QRFPR: variants seen among roughly 807,000 people sequenced by gnomAD.
QRFPR encodes pyroglutamylated RFamide peptide receptor.
A neutral mutation model predicts 31.3 loss-of-function variants in QRFPR; 37 were observed. That is an observed-to-expected ratio of 1.18 (90% CI 0.91 to 1.56). The LOEUF is 1.56. Among genes scored for constraint, QRFPR ranks in the 40% most tolerant of loss-of-function variants. QRFPR has a pLI of 0.00. For missense variants in QRFPR, 542 were observed against 532.5 expected (o/e 1.02, Z -0.18); for synonymous variants, 197 against 192.0 (o/e 1.03, Z -0.22).
At chr4:121,342,023 G>A (rs1014951549) in intron 1 of QRFPR, among the ~76,000 whole-genome samples, 2 of 152,200 alleles carry the variant, frequency 1.3e-5, no homozygotes, top group African/African-American at 4.8e-5. Context: ...TTCTGGATAT[G>A]CCTGCGAGGG....
chr4:121,338,043 G>T (rs1725466386), intron 2 of QRFPR, among the ~76,000 whole-genome samples: 1 of 152,072 alleles, frequency 6.6e-6, no homozygotes. Flanking sequence ...CATAATTGGG[G>T]TTTATTATAA....
chr4:121,351,964 A>G (rs1328858513), intron 1 of QRFPR, among the ~76,000 whole-genome samples: 2 of 152,150 alleles, frequency 1.3e-5, no homozygotes, highest in African/African-American at 4.8e-5. Flanking sequence ...ATTAAACAGT[A>G]AACAAATAAT....
chr4:121,373,510 T>G (rs1490138822), intron 1 of QRFPR, among the ~76,000 whole-genome samples: 1 of 152,242 alleles, frequency 6.6e-6, no homozygotes, highest in Non-Finnish European at 1.5e-5. Context: ...AAAAAGACTA[T>G]TCTTCATCAA....
intron 1 of QRFPR, among the ~76,000 whole-genome samples, chr4:121,354,621 T>C (rs1328966240): frequency 1.3e-5 from 2 of 152,064 alleles, no homozygotes; most frequent in African/African-American, 2.4e-5. Flanking sequence ...GAGCATCTTT[T>C]TCTTGTTTCA....
rs143152105 is a variant in QRFPR, at chr4:121,364,031, A to G, written c.340+16277T>C. On this transcript the variant is annotated intron_variant, in intron 1 of 5. Transcript: ENST00000394427. ...ACTGGCTGAAGTTATCATTTTCATA[A>G]TCAAGTCATAATCAAGTCAAGGAAC... 1.0e-3 allele frequency among the ~76,000 whole-genome samples: 150 copies of G among 150,158 alleles called. 5 individuals are homozygous for G. Among genetic ancestry groups the G allele is most frequent in the Non-Finnish European group, 1.8e-3 (122 of 67,580 alleles).
intron 1 of QRFPR, among the ~76,000 whole-genome samples, chr4:121,342,722 T>C (rs1725565853): frequency 6.6e-6 from 1 of 152,156 alleles, no homozygotes. Context: ...TTTTCGCTGA[T>C]GTATTCCCAG....
chr4:121,360,957 A>T (rs1393884293), intron 1 of QRFPR, among the ~76,000 whole-genome samples: 1 of 152,228 alleles, frequency 6.6e-6, no homozygotes, highest in East Asian at 1.9e-4. Flanking sequence ...CCCTAGTTCA[A>T]CATAGTGCCT....
chr4:121,380,695 C>A lies in QRFPR; in HGVS notation c.-48G>T, dbSNP rs1222023749. 24 of 1,452,720 alleles carry A rather than the reference C, an allele frequency of 1.7e-5. No individual in the cohort carries two copies. Among genetic ancestry groups the A allele is most frequent in the Non-Finnish European group, 2.1e-5 (23 of 1,093,208 alleles). The allele number at this position is 1,452,720 out of a possible 1,614,324, so 90.0% of individuals were successfully genotyped here. ...GGGCCACCGCCCGCTACTGGCTGGC[C>A]ATCCGCATCTGCGGGGCAGCGAGGG... On this transcript the variant is annotated 5_prime_UTR_variant, in exon 1 of 6. The change abolishes an upstream ATG in the 5' untranslated region. Coordinates refer to ENST00000394427, the MANE Select transcript of QRFPR (RefSeq NM_198179.3).
At chr4:121,375,753 A>C (rs1726339509) in intron 1 of QRFPR, among the ~76,000 whole-genome samples, 1 of 152,230 alleles carries the variant, frequency 6.6e-6, no homozygotes, top group Non-Finnish European at 1.5e-5. Flanking sequence ...ACTTACTCGC[A>C]AAATAAGAGA....
chr4:121,332,796 G>A (rs1725353452), intron 4 of QRFPR, 25 bp downstream of exon 4: 1 of 1,526,126 alleles, frequency 6.6e-7, no homozygotes, highest in East Asian at 2.3e-5. Flanking sequence ...ATAATTTAAA[G>A]AGGTGAATAT....
At position 121,329,617 on chromosome 4, in the gene QRFPR, G is replaced by C; in HGVS notation, c.993C>G (p.Val331=). 6.2e-7 allele frequency: 1 copy of C among 1,611,316 alleles called. No homozygotes were observed. The highest frequency in any genetic ancestry group is 8.5e-7 in the Non-Finnish European group (1 of 1,178,772). The change falls in exon 6 of 6, where the codon GTC becomes GTG. Residue 331 remains valine, a synonymous_variant. Transcript: ENST00000394427. ...GFSNSICNPI[V]YAFMNENFKK... is the part of the protein sequence containing the mutation. ...TGAAGTTTTCATTCATAAATGCATA[G>C]ACAATGGGATTACAGATGGAGTTGG...
chr4:121,351,635 T>C (rs1579578449), intron 1 of QRFPR, among the ~76,000 whole-genome samples: 1 of 152,130 alleles, frequency 6.6e-6, no homozygotes, highest in East Asian at 1.9e-4. Context: ...GAAGTAATAA[T>C]GGAAGGAATA....
rs1190671355 is a variant in QRFPR at position 121,357,083 on chromosome 4, ACCACAAT to A, written c.341-16480_341-16474del. 2.1e-4 allele frequency among the ~76,000 whole-genome samples: 32 copies of A among 152,290 alleles called. No individual in the cohort carries two copies. In the East Asian group the frequency reaches 6.0e-3, roughly 29 times the overall value. On this transcript the variant is annotated intron_variant, in intron 1 of 5. Transcript: ENST00000394427. ...TTTCCTACTGGTGCTGTAACAAAGTACCACAATCTTAGTGACTTAAAACAACACTAAT... is the reference window on the plus strand; with the variant it reads ...TTTCCTACTGGTGCTGTAACAAAGTACTTAGTGACTTAAAACAACACTAAT...
chr4:121,345,876 C>G (rs549252469), intron 1 of QRFPR, among the ~76,000 whole-genome samples: 1 of 151,534 alleles, frequency 6.6e-6, no homozygotes, highest in South Asian at 2.1e-4. Context: ...AAATTGAAAA[C>G]AGTTTGGGCA....
intron 5 of QRFPR, among the ~76,000 whole-genome samples, chr4:121,330,184 A>T (rs1010719655): frequency 2.6e-5 from 4 of 152,246 alleles, no homozygotes; most frequent in Admixed American, 6.5e-5. Flanking sequence ...GGAGAACAGA[A>T]GGAGTAACAT....
chr4:121,365,304 A>C lies in QRFPR; in HGVS notation c.340+15004T>G, dbSNP rs1367199986. On this transcript the variant is annotated intron_variant, in intron 1 of 5. Coordinates refer to ENST00000394427, the MANE Select transcript of QRFPR (RefSeq NM_198179.3). ...TCGTCTCTGCTAAAAATACAAAAAA[A>C]TTGGCTAAGCATGGTGGCAGGCGCC... Among the ~76,000 whole-genome samples, 2 of 142,270 alleles carry C rather than the reference A, an allele frequency of 1.4e-5. 1 individual carries two copies. Among genetic ancestry groups the C allele is most frequent in the East Asian group, 4.3e-4 (2 of 4,692 alleles). The allele number at this position is 142,270 out of a possible 152,430, so 93.3% of individuals were successfully genotyped here. A position where few individuals can be genotyped will look rare whatever the true frequency, so the allele number is the denominator to read the frequency against.
intron 1 of QRFPR, among the ~76,000 whole-genome samples, chr4:121,347,378 T>C (rs1438402782): frequency 2.6e-5 from 4 of 152,124 alleles, no homozygotes; most frequent in Non-Finnish European, 4.4e-5. Context: ...TCTTTTAATT[T>C]ATTGATTTCA....
At chr4:121,357,070 G>C (rs552920742) in intron 1 of QRFPR, among the ~76,000 whole-genome samples, 3 of 152,196 alleles carry the variant, frequency 2.0e-5, no homozygotes, top group African/African-American at 7.2e-5. Context: ...TCCTACTGGT[G>C]CTGTAACAAA....
intron 1 of QRFPR, among the ~76,000 whole-genome samples, chr4:121,376,803 A>G (rs1187365773): frequency 6.6e-6 from 1 of 151,026 alleles, no homozygotes; most frequent in Non-Finnish European, 1.5e-5. Context: ...GCCAGGTCTA[A>G]GAGCCATTAC....
Sources: gnomAD v4.1 joint callset for allele counts (sites outside exome capture counted in the v4.1 genomes callset) on GRCh38, gnomAD v4.1.1 for gene constraint, MANE v1.5 for transcripts, NCBI Gene and HGNC (gene_info 2026-07-23, HGNC 2026-07-21) for gene names.